The following BCKDHB variants were observed in gnomAD, a reference collection of about 807,000 sequenced individuals.
BCKDHB encodes the protein 2-oxoisovalerate dehydrogenase subunit beta, mitochondrial.
BCKDHB carries 41 observed loss-of-function variants against 48.5 expected under a neutral mutation model. The observed-to-expected ratio is 0.85, with a 90% CI of 0.66 to 1.10. The LOEUF (loss-of-function observed/expected upper bound fraction) is 1.10. BCKDHB is among the 50% of genes least tolerant of loss of function. The probability of loss-of-function intolerance (pLI) is 0.00; values close to 1 mark genes in which losing one functional copy is unlikely to be tolerated. For synonymous variants in BCKDHB, 201 were observed against 174.8 expected (o/e 1.15, Z -1.18); for missense variants, 496 against 494.2 (o/e 1.00, Z -0.03).
chr6:80,122,511 A>C (rs1235887381), intron 1 of BCKDHB, among the ~76,000 whole-genome samples: 1 of 152,238 alleles, frequency 6.6e-6, no homozygotes, highest in Non-Finnish European at 1.5e-5. Flanking sequence ...GAAAGAGTAC[A>C]AAGTGAGGAA....
intron 6 of BCKDHB, among the ~76,000 whole-genome samples, chr6:80,197,224 A>G (rs1200328218): frequency 6.6e-6 from 1 of 152,220 alleles, no homozygotes; most frequent in African/African-American, 2.4e-5. Context: ...CCTGGAATAA[A>G]TATGTTTTAA....
the BCKDHB span, among the ~76,000 whole-genome samples, chr6:80,444,134 G>T: frequency 6.6e-6 from 1 of 152,028 alleles, no homozygotes. Context: ...TGTGGGGAGA[G>T]GAGTTGAAAT....
chr6:80,448,075 T>C, the BCKDHB span, among the ~76,000 whole-genome samples: 1 of 152,000 alleles, frequency 6.6e-6, no homozygotes, highest in Non-Finnish European at 1.5e-5. Flanking sequence ...GGTGCTGGGA[T>C]TATGTGACTG....
chr6:80,330,585 C>T (rs1040596), intron 9 of BCKDHB, among the ~76,000 whole-genome samples: 117,976 of 152,054 alleles, frequency 0.78, 46,145 homozygotes, highest in Admixed American at 0.84. Flanking sequence ...TGTTGATACT[C>T]GAACCAGTGA....
At chr6:80,435,996 ATC>A in the BCKDHB span, among the ~76,000 whole-genome samples, 1 of 151,650 alleles carries the variant, frequency 6.6e-6, no homozygotes, top group Non-Finnish European at 1.5e-5. Context: ...AAACTACAAC[ATC>A]TCTCAGGCCC....
intron 9 of BCKDHB, among the ~76,000 whole-genome samples, chr6:80,294,685 C>A (rs1195952367): frequency 6.6e-6 from 1 of 152,158 alleles, no homozygotes; most frequent in African/African-American, 2.4e-5. Context: ...TGGTCTCCTG[C>A]AGTACCCTCA....
intron 3 of BCKDHB, among the ~76,000 whole-genome samples, chr6:80,137,956 G>T (rs1770975949): frequency 6.6e-6 from 1 of 151,990 alleles, no homozygotes; most frequent in Admixed American, 6.6e-5. Flanking sequence ...GCTGAGCAGG[G>T]TGGCACACAG....
chr6:80,225,383 G>T (rs1775638667), intron 8 of BCKDHB, among the ~76,000 whole-genome samples: 1 of 152,184 alleles, frequency 6.6e-6, no homozygotes, highest in African/African-American at 2.4e-5. Flanking sequence ...ATATGTTAGG[G>T]ATGTTGTAGA....
intron 8 of BCKDHB, among the ~76,000 whole-genome samples, chr6:80,205,418 G>A (rs67988458): frequency 0.081 from 12,286 of 151,906 alleles, 573 homozygotes; most frequent in South Asian, 0.099. Flanking sequence ...CTTTTGGAAC[G>A]CCTGATCAAG....
rs1773225125 is a variant in BCKDHB at position 80,177,587 on chromosome 6, A to C, written c.742+6197A>C. On this transcript the variant is annotated intron_variant, in intron 6 of 9. Transcript: ENST00000320393. ...ATTTATCAGCAAAATTTTGCTGATA[A>C]AAAAGTGATTCCCTGGCATATTTTT... 2.0e-5 allele frequency among the ~76,000 whole-genome samples: 3 copies of C among 152,274 alleles called. No individual in the cohort carries two copies. In the South Asian group the frequency reaches 6.2e-4, roughly 32 times the overall value.
intron 9 of BCKDHB, among the ~76,000 whole-genome samples, chr6:80,309,737 T>A (rs116296678): frequency 0.015 from 2,332 of 152,282 alleles, 82 homozygotes; most frequent in African/African-American, 0.053. Flanking sequence ...AGTATCGGGG[T>A]ACATGTGTAG....
At chr6:80,107,217 T>C (rs1769122161) in intron 1 of BCKDHB, among the ~76,000 whole-genome samples, 2 of 151,410 alleles carry the variant, frequency 1.3e-5, no homozygotes, top group South Asian at 4.2e-4. Context: ...CCTTGCTTTC[T>C]CAACCCAGGC....
chr6:80,296,540 G>A (rs1042403087), intron 9 of BCKDHB, among the ~76,000 whole-genome samples: 1 of 152,076 alleles, frequency 6.6e-6, no homozygotes, highest in Admixed American at 6.6e-5. Flanking sequence ...CTTTACATTA[G>A]TGTGCTATTA....
chr6:80,374,535 G>A, the BCKDHB span: 6 of 720,382 alleles, frequency 8.3e-6, no homozygotes, highest in South Asian at 2.8e-5. Context: ...GCATGATTTT[G>A]TGGGGTTCTC....
At chr6:80,414,822 T>C in the BCKDHB span, among the ~76,000 whole-genome samples, 1 of 152,182 alleles carries the variant, frequency 6.6e-6, no homozygotes, top group Non-Finnish European at 1.5e-5. Flanking sequence ...AGGAGTAGCA[T>C]TGAACCTTTA....
chr6:80,339,373 T>G (rs1398414007), intron 9 of BCKDHB, among the ~76,000 whole-genome samples: 1 of 152,194 alleles, frequency 6.6e-6, no homozygotes, highest in Non-Finnish European at 1.5e-5. Flanking sequence ...TTGTCTGTCC[T>G]TCCTAATTTT....
chr6:80,318,808 A>T (rs1029527638), intron 9 of BCKDHB, among the ~76,000 whole-genome samples: 1 of 151,760 alleles, frequency 6.6e-6, no homozygotes, highest in Non-Finnish European at 1.5e-5. Context: ...ACATCATATT[A>T]TGTATTGTAA....
At chr6:80,167,574 C>CTA (rs1772638154) in intron 3 of BCKDHB, 104 bp from the exon 4 acceptor site, 1 of 1,214,932 alleles carries the variant, frequency 8.2e-7, no homozygotes, top group Non-Finnish European at 1.2e-6. Flanking sequence ...TCTACCTGTT[C>CTA]TATACTTCTC....
At chr6:80,427,308 A>G in the BCKDHB span, among the ~76,000 whole-genome samples, 3 of 152,142 alleles carry the variant, frequency 2.0e-5, no homozygotes, top group South Asian at 6.2e-4. Context: ...ACTCTAGTCT[A>G]TCTTCCAACA....
Sources: allele counts gnomAD v4.1 joint callset (sites outside exome capture counted in the v4.1 genomes callset), GRCh38; gene constraint gnomAD v4.1.1; transcripts MANE v1.5; gene names NCBI Gene and HGNC (gene_info 2026-07-23, HGNC 2026-07-21).